Variants in USP34 observed in about 807,000 individuals in gnomAD.
The protein encoded by USP34 is ubiquitin specific peptidase 34, also known as ubiquitin carboxyl-terminal hydrolase 34.
A neutral mutation model predicts 460.3 loss-of-function variants in USP34; 70 were observed. The observed-to-expected ratio is 0.15, with a 90% confidence interval of 0.13 to 0.19. USP34 has a LOEUF of 0.19. Among genes scored for constraint, USP34 ranks in the 10% least tolerant of loss-of-function variants. The probability of loss-of-function intolerance (pLI) is 1.00; values close to 1 mark genes in which losing one functional copy is unlikely to be tolerated. For synonymous variants in USP34, 1,647 were observed against 1,405.3 expected, an observed-to-expected ratio of 1.17 and a Z score of -3.85; for missense variants, 3,985 against 4,236.2, an observed-to-expected ratio of 0.94 and a Z score of 1.65.
At chr2:61,364,828 G>C (rs1046982575) in intron 10 of USP34, among the ~76,000 whole-genome samples, 1 of 152,122 alleles carries the variant, frequency 6.6e-6, no homozygotes, top group Non-Finnish European at 1.5e-5. Context: ...TACTCGGGAG[G>C]CTAAGGTAGA....
chr2:61,422,405 G>A (rs147866380), intron 1 of USP34, among the ~76,000 whole-genome samples: 105 of 152,260 alleles, frequency 6.9e-4, no homozygotes, highest in African/African-American at 2.4e-3. Flanking sequence ...CCGCCTGACA[G>A]CCTAGCTGCT....
chr2:61,222,860 T>A, intron 64 of USP34, 197 bp from the exon 65 acceptor site: 1 of 679,830 alleles, frequency 1.5e-6, no homozygotes, highest in South Asian at 2.0e-5. Flanking sequence ...TACACCCGGC[T>A]AGATTTTTCT....
chr2:61,383,343 A>C lies in USP34; in HGVS notation c.754-7T>G. ...TATGTAGCCATATTCTAATCTATAT[A>C]AGAAACATAAAAACAACATTAATGC... is the stretch of plus-strand genomic sequence containing the variant. On this transcript the variant is annotated splice_region_variant and splice_polypyrimidine_tract_variant and intron_variant, in intron 5 of 79. Coordinates refer to ENST00000398571, the MANE Select transcript of USP34 (RefSeq NM_014709.4). 6.3e-7 allele frequency: 1 copy of C among 1,584,806 alleles called. No homozygotes were observed. The highest frequency in any genetic ancestry group is 8.6e-7 in the Non-Finnish European group (1 of 1,161,724).
At chr2:61,354,688 C>T (rs1016185449) in intron 10 of USP34, among the ~76,000 whole-genome samples, 3 of 152,092 alleles carry the variant, frequency 2.0e-5, no homozygotes, top group African/African-American at 4.8e-5. Context: ...AGCCAAATGA[C>T]TCAGAAAACC....
At chr2:61,230,546 C>A (rs528076464) in intron 58 of USP34, among the ~76,000 whole-genome samples, 2 of 151,826 alleles carry the variant, frequency 1.3e-5, no homozygotes, top group African/African-American at 4.8e-5. Context: ...AACCAACCAA[C>A]CAAACAAAAA....
intron 29 of USP34, 43 bp from the exon 30 acceptor site, chr2:61,296,968 A>T (rs1690048025): frequency 6.4e-7 from 1 of 1,551,234 alleles, no homozygotes; most frequent in South Asian, 1.2e-5. Context: ...CAGATCAGAA[A>T]AGAAAAAGTT....
At chr2:61,287,685 C>T (rs1289361304) in intron 34 of USP34, among the ~76,000 whole-genome samples, 1 of 152,182 alleles carries the variant, frequency 6.6e-6, no homozygotes, top group Non-Finnish European at 1.5e-5. Context: ...TTTTCTCTAG[C>T]TTACTTTAAG....
chr2:61,374,549 C>G (rs1558557194), intron 8 of USP34, among the ~76,000 whole-genome samples: 1 of 152,030 alleles, frequency 6.6e-6, no homozygotes, highest in Non-Finnish European at 1.5e-5. Flanking sequence ...CATCTTGCTT[C>G]AGAGCTCATA....
chr2:61,341,537 T>C (rs1180960032), intron 16 of USP34, among the ~76,000 whole-genome samples: 1 of 152,052 alleles, frequency 6.6e-6, no homozygotes, highest in Non-Finnish European at 1.5e-5. Flanking sequence ...TGAGTTCAGA[T>C]AAGATCTGGT....
chr2:61,219,488 C>G (rs566498929), intron 67 of USP34, among the ~76,000 whole-genome samples: 1 of 151,890 alleles, frequency 6.6e-6, no homozygotes, highest in African/African-American at 2.4e-5. Flanking sequence ...CTGGTCAACA[C>G]GGTAAAACCC....
intron 1 of USP34, among the ~76,000 whole-genome samples, chr2:61,445,320 G>C: frequency 6.7e-6 from 1 of 150,012 alleles, no homozygotes; most frequent in East Asian, 1.9e-4. Flanking sequence ...CGGATCACAA[G>C]GTCAGGAGAT....
chr2:61,343,435 G>A (rs1691666426), intron 16 of USP34, among the ~76,000 whole-genome samples: 1 of 152,028 alleles, frequency 6.6e-6, no homozygotes, highest in African/African-American at 2.4e-5. Context: ...GCCTATTCTA[G>A]ACATATCATA....
At chr2:61,209,023 A>G in intron 69 of USP34, 46 bp from the exon 70 acceptor site, 1 of 1,240,570 alleles carries the variant, frequency 8.1e-7, no homozygotes, top group Non-Finnish European at 1.1e-6. Context: ...GAATAAGAAC[A>G]CAACACTTAG....
chr2:61,452,954 T>C (rs773096063), intron 1 of USP34, among the ~76,000 whole-genome samples: 6 of 143,150 alleles, frequency 4.2e-5, no homozygotes, highest in Non-Finnish European at 7.6e-5. Context: ...GGAACAAATA[T>C]AGTAGTTTAA....
chr2:61,248,413 T>C, intron 49 of USP34, 98 bp downstream of exon 49: 1 of 1,231,028 alleles, frequency 8.1e-7, no homozygotes, highest in Non-Finnish European at 1.1e-6. Flanking sequence ...GATTCAATTT[T>C]TGTTAACTGT....
chr2:61,417,325 T>C (rs558323938), intron 2 of USP34: 12 of 676,452 alleles, frequency 1.8e-5, no homozygotes, highest in East Asian at 7.9e-5. Flanking sequence ...TTTACAGCCA[T>C]TGCACACTGG....
At chr2:61,395,453 A>G (rs1371336779) in intron 3 of USP34, among the ~76,000 whole-genome samples, 1 of 152,204 alleles carries the variant, frequency 6.6e-6, no homozygotes, top group African/African-American at 2.4e-5. Flanking sequence ...TACATACTAC[A>G]CACTATTTTG....
chr2:61,265,584 T>C (rs1572884394), intron 42 of USP34, 27 bp from the exon 43 acceptor site: 1 of 1,571,248 alleles, frequency 6.4e-7, no homozygotes, highest in Non-Finnish European at 8.6e-7. Context: ...GAGGAAAAGA[T>C]CCCCCCCAAA....
In USP34 at chr2:61,311,566, T is replaced by C; in HGVS notation, c.3791A>G (p.Gln1264Arg). Reference protein sequence around the residue: ...NQQAQLQEFGQSNRKGEFPGG... With the variant: ...NQQAQLQEFGRSNRKGEFPGG... The stretch of plus-strand genomic sequence containing the variant: ...AGGAAACTCTCCTTTTCGGTTGCTT[T>C]GACCAAACTCCTGAAGCTGAGCTTG... Residue 1264 changes from glutamine to arginine, a missense_variant, in exon 27 of 80, where the codon CAA becomes CGA. This residue lies in a region of USP34 where 1,114 missense variants were observed against 1,122.5 expected (regional missense o/e 0.99). Coordinates refer to ENST00000398571, the MANE Select transcript of USP34 (RefSeq NM_014709.4). 1.2e-6 allele frequency: 2 copies of C among 1,607,002 alleles called. No homozygotes were observed. Among genetic ancestry groups the C allele is most frequent in the Non-Finnish European group, 1.7e-6 (2 of 1,177,642 alleles).
Sources: gnomAD v4.1 joint callset for allele counts (sites outside exome capture counted in the v4.1 genomes callset) on GRCh38, gnomAD v4.1.1 for gene constraint, gnomAD v4.1.1 regional missense constraint, MANE v1.5 for transcripts, NCBI Gene and HGNC (gene_info 2026-07-23, HGNC 2026-07-21) for gene names.